TP63: variants seen among roughly 807,000 people sequenced by gnomAD.
The protein encoded by TP63 is tumor protein 63.
In TP63, 17 loss-of-function variants were observed where a neutral mutation model predicts 82.8. The ratio of observed to expected loss-of-function variants is 0.21; its 90% CI spans 0.14 to 0.31. The LOEUF (loss-of-function observed/expected upper bound fraction) is 0.31, where lower values mean the gene tolerates loss of function less well. TP63 is among the 10% of genes least tolerant of loss of function. The pLI is 1.00. For missense variants in TP63, 648 were observed against 895.3 expected (o/e 0.72, Z 3.52); for synonymous variants, 330 against 321.7 (o/e 1.03, Z -0.28).
At chr3:189,737,136 A>G (rs1720653305) in intron 1 of TP63, among the ~76,000 whole-genome samples, 1 of 152,156 alleles carries the variant, frequency 6.6e-6, no homozygotes, top group Non-Finnish European at 1.5e-5. Context: ...CACTTTAATT[A>G]AGAACCACCC....
intron 3 of TP63, among the ~76,000 whole-genome samples, chr3:189,757,417 C>G (rs897110008): frequency 3.3e-5 from 5 of 152,130 alleles, no homozygotes; most frequent in African/African-American, 9.7e-5. Context: ...ATCTGCAAAA[C>G]AAGGATCAGG....
chr3:189,802,811 G>A (rs1210906071), intron 3 of TP63, among the ~76,000 whole-genome samples: 1 of 152,138 alleles, frequency 6.6e-6, no homozygotes, highest in Non-Finnish European at 1.5e-5. Flanking sequence ...GAATACTGTT[G>A]TATCTTGTAA....
chr3:189,805,315 C>A (rs1726765211), intron 3 of TP63, among the ~76,000 whole-genome samples: 1 of 152,218 alleles, frequency 6.6e-6, no homozygotes, highest in Non-Finnish European at 1.5e-5. Context: ...CATCTCATTA[C>A]AAATGATTTC....
chr3:189,751,509 A>G (rs1721819939), intron 3 of TP63, among the ~76,000 whole-genome samples: 1 of 152,194 alleles, frequency 6.6e-6, no homozygotes, highest in Non-Finnish European at 1.5e-5. Flanking sequence ...AATGATCGCC[A>G]TTCTGACTGG....
chr3:189,885,862 C>T (rs901940007), intron 10 of TP63, among the ~76,000 whole-genome samples: 2 of 152,122 alleles, frequency 1.3e-5, no homozygotes, highest in Admixed American at 6.5e-5. Context: ...CAAGTAGGGG[C>T]CTCTGCATGA....
In TP63 at chr3:189,839,787, AG is replaced by A. The variant is rs199948734; in HGVS notation, c.580-24444del. ...TGGCTTTTTCTCCACACTCAGGACAAGCTTGCAGTGGGCAGTAGTATTATCT... is the reference window on the plus strand; with the variant it reads ...TGGCTTTTTCTCCACACTCAGGACAACTTGCAGTGGGCAGTAGTATTATCT... On this transcript the variant is annotated intron_variant, in intron 4 of 13. Coordinates refer to ENST00000264731, the MANE Select transcript of TP63 (RefSeq NM_003722.5). Among the ~76,000 whole-genome samples the A allele has an allele frequency of 7.7e-3, 1,168 of 152,318 alleles. 9 individuals are homozygous for A. Among genetic ancestry groups the A allele is most frequent in the Middle Eastern group, 0.027 (8 of 294 alleles).
chr3:189,745,128 A>G lies in TP63; in HGVS notation c.324+6354A>G, dbSNP rs142483153. Among the ~76,000 whole-genome samples the G allele has an allele frequency of 6.8e-3, 1,034 of 152,348 alleles. 13 individuals carry two copies. The highest frequency in any genetic ancestry group is 0.024 in the African/African-American group (979 of 41,572). ...TGTCTTCAGGAAATTGTCCTCTTCT[A>G]TGAAAGCAAATTCAAAAAAAATTGT... On this transcript the variant is annotated intron_variant, in intron 3 of 13. Coordinates refer to ENST00000264731, the MANE Select transcript of TP63 (RefSeq NM_003722.5).
chr3:189,889,458 G>C lies in TP63; in HGVS notation c.1626G>C (p.Pro542=). 1 of 1,613,678 alleles carries C rather than the reference G, an allele frequency of 6.2e-7. No homozygotes were observed. The highest frequency in any genetic ancestry group is 1.6e-4 in the Middle Eastern group (1 of 6,062). The change falls in exon 12 of 14, where the codon CCG becomes CCC. Residue 542 remains proline (P), a synonymous_variant. Transcript: ENST00000264731. ...CCTCCCACTGCACACCCCCACCTCC[G>C]TATCCCACAGATTGCAGCATTGTCA... is the stretch of plus-strand genomic sequence containing the variant. The part of the protein sequence containing the change: ...PSTSHCTPPP[P]YPTDCSIVSF...
the TP63 span, among the ~76,000 whole-genome samples, chr3:189,622,579 G>A: frequency 6.6e-6 from 1 of 152,162 alleles, no homozygotes; most frequent in Non-Finnish European, 1.5e-5. Flanking sequence ...TGGTTTTGAA[G>A]ATGCAATATA....
chr3:189,757,035 C>T lies in TP63; in HGVS notation c.324+18261C>T, dbSNP rs138135932. Reference sequence around the variant, plus strand: ...CATGCTATTAGTCATCTGTCCTTTCCTTTGGCAAAATATGCATACATACAT... The same window carrying T: ...CATGCTATTAGTCATCTGTCCTTTCTTTTGGCAAAATATGCATACATACAT... On this transcript the variant is annotated intron_variant, in intron 3 of 13. Transcript: ENST00000264731. Among the ~76,000 whole-genome samples, 169 of 152,272 alleles carry T rather than the reference C, an allele frequency of 1.1e-3. 1 individual carries two copies. Among genetic ancestry groups the T allele is most frequent in the African/African-American group, 3.9e-3 (162 of 41,550 alleles).
intron 1 of TP63, among the ~76,000 whole-genome samples, chr3:189,659,726 GT>G (rs1333039397): frequency 6.6e-6 from 1 of 151,728 alleles, no homozygotes; most frequent in African/African-American, 2.4e-5. Flanking sequence ...TACTTTTTGA[GT>G]TTTTAGTAAT....
At chr3:189,868,812 G>A in intron 8 of TP63, 96 bp downstream of exon 8, 1 of 1,599,210 alleles carries the variant, frequency 6.3e-7, no homozygotes. Context: ...TAAGACCTGT[G>A]ACCTTCAGCA....
chr3:189,751,023 A>C (rs965983807), intron 3 of TP63, among the ~76,000 whole-genome samples: 1 of 151,900 alleles, frequency 6.6e-6, no homozygotes. Flanking sequence ...CCTGTGTCCA[A>C]GTGTTCTGAT....
chr3:189,680,701 G>A lies in TP63; in HGVS notation c.62+49124G>A, dbSNP rs113525492. 3.8e-3 allele frequency among the ~76,000 whole-genome samples: 573 copies of A among 152,312 alleles called. 1 individual carries two copies. Among genetic ancestry groups the A allele is most frequent in the African/African-American group, 0.013 (556 of 41,570 alleles). On this transcript the variant is annotated intron_variant, in intron 1 of 13. Coordinates refer to ENST00000264731, the MANE Select transcript of TP63 (RefSeq NM_003722.5). ...GGACAGGCCTGTATCTTGGTTCTAT[G>A]GTGGCTGGCATGGAGTCAGGGTCCA...
chr3:189,842,300 C>A (rs1370308792), intron 4 of TP63, among the ~76,000 whole-genome samples: 1 of 152,120 alleles, frequency 6.6e-6, no homozygotes, highest in Non-Finnish European at 1.5e-5. Context: ...ACCCTGTCCC[C>A]CACCAATAAC....
At chr3:189,810,966 G>A (rs1024536118) in intron 4 of TP63, among the ~76,000 whole-genome samples, 2 of 151,970 alleles carry the variant, frequency 1.3e-5, no homozygotes, top group African/African-American at 4.8e-5. Flanking sequence ...AAAAGTTGGA[G>A]ATCTCTACCA....
At chr3:189,605,581 A>G in the TP63 span, among the ~76,000 whole-genome samples, 3 of 152,340 alleles carry the variant, frequency 2.0e-5, no homozygotes, top group East Asian at 5.8e-4. Flanking sequence ...AAGCCGCAAT[A>G]TAGATTCTGG....
the TP63 span, among the ~76,000 whole-genome samples, chr3:189,621,887 T>A: frequency 6.6e-6 from 1 of 152,224 alleles, no homozygotes; most frequent in African/African-American, 2.4e-5. Context: ...ATGTACTAAC[T>A]AACCAAAGAC....
chr3:189,867,815 T>C lies in TP63; in HGVS notation c.883-18T>C. On this transcript the variant is annotated intron_variant, in intron 6 of 13. Coordinates refer to ENST00000264731, the MANE Select transcript of TP63 (RefSeq NM_003722.5). ...TTTAAACCCTTGTTAACACAGATTATTTACCCCTTGTTTTCAGGTTGGCAC... is the reference window on the plus strand; with the variant it reads ...TTTAAACCCTTGTTAACACAGATTACTTACCCCTTGTTTTCAGGTTGGCAC... The C allele has an allele frequency of 6.2e-7, 1 of 1,607,950 alleles. No homozygotes were observed. The highest frequency in any genetic ancestry group is 8.5e-7 in the Non-Finnish European group (1 of 1,174,542).
Sources: allele counts gnomAD v4.1 joint callset (sites outside exome capture counted in the v4.1 genomes callset), GRCh38; gene constraint gnomAD v4.1.1; transcripts MANE v1.5; gene names NCBI Gene and HGNC (gene_info 2026-07-23, HGNC 2026-07-21).